Variants in KLC3 observed in about 807,000 individuals in gnomAD.
KLC3 encodes kinesin light chain 2.
In KLC3, 72 loss-of-function variants were observed where a neutral mutation model predicts 62.9. That is an observed-to-expected ratio of 1.15 (90% CI 0.95 to 1.39). The LOEUF (loss-of-function observed/expected upper bound fraction) is 1.39, where lower values mean the gene tolerates loss of function less well. Among genes scored for constraint, KLC3 ranks in the 40% most tolerant of loss-of-function variants. KLC3 has a pLI of 0.00. For synonymous variants in KLC3, 377 were observed against 300.5 expected (o/e 1.25, Z -2.63); for missense variants, 848 against 691.6 (o/e 1.23, Z -2.54).
At position 45,346,739 on chromosome 19, in the gene KLC3, C is replaced by A; in HGVS notation, c.454C>A (p.Gln152Lys). 1 of 1,588,340 alleles carries A rather than the reference C, an allele frequency of 6.3e-7. No individual in the cohort carries two copies. Residue 152 changes from glutamine to lysine, a missense_variant, in exon 3 of 13, where the codon CAG (glutamine) becomes AAG (lysine). By Grantham distance (53) the Gln-to-Lys change is moderately conservative. Transcript: ENST00000391946. ...GAAGCGCCACCTGGAGTTCCTGGGG[C>A]AGCTGCGACAGTACGACCCACCGGC... ...EEKRHLEFLG[Q>K]LRQYDPPAES...
At chr19:45,346,248 G>A (rs1031079557) in intron 2 of KLC3, among the ~76,000 whole-genome samples, 27 of 152,120 alleles carry the variant, frequency 1.8e-4, no homozygotes, top group African/African-American at 6.5e-4. Flanking sequence ...GGAGGCTCCA[G>A]GTCAGAGATG....
intron 1 of KLC3, 192 bp from the exon 2 acceptor site, chr19:45,345,342 C>A: frequency 1.4e-6 from 1 of 702,764 alleles, no homozygotes; most frequent in Non-Finnish European, 2.4e-6. Flanking sequence ...CAGATGAGAG[C>A]TGGCTGGGAT....
chr19:45,345,552 A>G lies in KLC3; in HGVS notation c.11A>G (p.Gln4Arg), dbSNP rs374341318. 9.3e-5 allele frequency: 146 copies of G among 1,565,486 alleles called. 1 individual carries two copies. In the South Asian group the frequency reaches 1.6e-3, roughly 17 times the overall value. Reference sequence around the variant, plus strand: ...TCCCCAGGAGCAGCAATGTCTGTGCAGGTAGCGGCTCCTGGAAGTGCAGGG... The same window carrying G: ...TCCCCAGGAGCAGCAATGTCTGTGCGGGTAGCGGCTCCTGGAAGTGCAGGG... MSV[Q>R]VAAPGSAGLG... The change falls in exon 2 of 13, where the codon CAG becomes CGG. Residue 4 changes from glutamine to arginine, a missense_variant. By Grantham distance (43) the Gln-to-Arg change is conservative. Coordinates refer to ENST00000391946, the MANE Select transcript of KLC3 (RefSeq NM_177417.3).
At chr19:45,350,262 A>G (rs1274949701) in intron 8 of KLC3, 79 bp from the exon 9 acceptor site, 3 of 805,126 alleles carry the variant, frequency 3.7e-6, no homozygotes, top group African/African-American at 3.7e-5. Flanking sequence ...GTCTCTACAA[A>G]AAAAAAAAAA....
intron 3 of KLC3, chr19:45,347,041 C>T: frequency 2.1e-6 from 1 of 484,052 alleles, no homozygotes; most frequent in South Asian, 3.0e-5. Context: ...TGACCACCAC[C>T]TCCCTCAAAC....
intron 7 of KLC3, 75 bp from the exon 8 acceptor site, chr19:45,349,354 C>G: frequency 6.9e-7 from 1 of 1,448,276 alleles, no homozygotes; most frequent in Non-Finnish European, 9.4e-7. Flanking sequence ...CAACTCATGA[C>G]CACCATACAG....
In KLC3 at chr19:45,348,000, C is replaced by T; in HGVS notation, c.619C>T (p.Leu207Phe). Residue 207 changes from leucine (L) to phenylalanine (F), a missense_variant, in exon 5 of 13, where the codon CTT (leucine) becomes TTT (phenylalanine). By Grantham distance (22) the Leu-to-Phe change is conservative. Transcript: ENST00000391946. Reference protein sequence around the residue: ...QQGGYEIPARLRTLHNLVIQY... With the variant: ...QQGGYEIPARFRTLHNLVIQY... ...GGGTGGCTATGAGATCCCTGCCCGC[C>T]TTCGGACCCTGCATAACCTCGTGAT... 1.9e-6 allele frequency: 3 copies of T among 1,609,084 alleles called. No homozygotes were observed. Among genetic ancestry groups the T allele is most frequent in the Non-Finnish European group, 2.5e-6 (3 of 1,178,016 alleles).
intron 3 of KLC3, 105 bp from the exon 4 acceptor site, chr19:45,347,340 CAA>C (rs538695727): frequency 8.8e-3 from 4,827 of 546,726 alleles, no homozygotes; most frequent in South Asian, 0.011. Context: ...AACTCCGTCT[CAA>C]AAAAAAAAAA....
In KLC3 at chr19:45,350,846, C is replaced by T. The variant is rs1971722793; in HGVS notation, c.1379+99C>T. 2.1e-6 allele frequency: 3 copies of T among 1,400,662 alleles called. No individual in the cohort carries two copies. The South Asian group carries it at 3.6e-5, about 17-fold the overall frequency. 86.8% of individuals were successfully genotyped at this position (1,400,662 alleles called of 1,614,324 possible). A position where few individuals can be genotyped will look rare whatever the true frequency, so the allele number is the denominator to read the frequency against. On this transcript the variant is annotated intron_variant, in intron 11 of 12. Coordinates refer to ENST00000391946, the MANE Select transcript of KLC3 (RefSeq NM_177417.3). ...CTTGCTCAAGAACCTTCCATGGCTCCCATCTCCCCTGTGATACACACAGAT... is the reference window on the plus strand; with the variant it reads ...CTTGCTCAAGAACCTTCCATGGCTCTCATCTCCCCTGTGATACACACAGAT...
intron 1 of KLC3, 95 bp from the exon 2 acceptor site, chr19:45,345,439 T>G: frequency 2.0e-6 from 3 of 1,502,472 alleles, no homozygotes; most frequent in Non-Finnish European, 2.7e-6. Context: ...TGGGGAGAAG[T>G]TAGGGGTCCT....
In KLC3 at chr19:45,350,349, C is replaced by T; in HGVS notation, c.1152C>T (p.Ala384=). 1 of 1,613,520 alleles carries T rather than the reference C, an allele frequency of 6.2e-7. No individual in the cohort carries two copies. Among genetic ancestry groups the T allele is most frequent in the Non-Finnish European group, 8.5e-7 (1 of 1,179,948 alleles). The change falls in exon 9 of 13, where the codon GCC becomes GCT. Residue 384 remains alanine, a synonymous_variant. Transcript: ENST00000391946. The part of the protein sequence containing the change: ...VAKTKNNLAS[A]YLKQNKYQQA... ...CACTCCCTTCTCCGCAGGCCTCAGCCTACCTGAAACAGAACAAGTATCAAC... is the reference window on the plus strand; with the variant it reads ...CACTCCCTTCTCCGCAGGCCTCAGCTTACCTGAAACAGAACAAGTATCAAC...
At chr19:45,345,333 A>G (rs1971465793) in intron 1 of KLC3, 2 of 678,340 alleles carry the variant, frequency 2.9e-6, no homozygotes, top group Non-Finnish European at 5.1e-6. Context: ...AGACTGTTCC[A>G]GATGAGAGCT....
At chr19:45,349,397 G>C (rs2123194447) in intron 7 of KLC3, 32 bp from the exon 8 acceptor site, 1 of 1,576,140 alleles carries the variant, frequency 6.3e-7, no homozygotes, top group Middle Eastern at 1.8e-4. Flanking sequence ...AATCCTGTAT[G>C]ATCCCTCTGA....
intron 1 of KLC3, 36 bp from the exon 2 acceptor site, chr19:45,345,498 C>G (rs1042315268): frequency 1.3e-6 from 2 of 1,551,726 alleles, no homozygotes; most frequent in African/African-American, 2.7e-5. Context: ...CTGGCCCGGG[C>G]AATGATTCCC....
chr19:45,349,972 C>A (rs1012336632), intron 8 of KLC3: 1 of 414,644 alleles, frequency 2.4e-6, no homozygotes, highest in Non-Finnish European at 4.4e-6. Context: ...ACTGAGGCAC[C>A]GAGGCCATGC....
chr19:45,346,854 A>C (rs1008951962), intron 3 of KLC3, 80 bp downstream of exon 3: 16 of 1,306,106 alleles, frequency 1.2e-5, no homozygotes, highest in South Asian at 2.7e-5. Context: ...TTAGAATCCC[A>C]CAGTCCCCAA....
intron 3 of KLC3, 22 bp from the exon 4 acceptor site, chr19:45,347,425 C>A (rs56396771): frequency 7.5e-6 from 12 of 1,603,120 alleles, no homozygotes; most frequent in Admixed American, 1.7e-5. Flanking sequence ...CACCCCGGCC[C>A]CCCACTTTCC....
rs1971606403 is a variant in KLC3, at chr19:45,349,530, CCGGGCCCTGAGCATCTATGAGGCACTGGG to C, written c.1079_1107del (p.Leu360ProfsTer2). Reference sequence around the variant, plus strand: ...TTGAGGACGTGGAGCGGCACTATGCCCGGGCCCTGAGCATCTATGAGGCACTGGGCGGGCCCCATGACCCCAACGTGGCC... The same window carrying C: ...TTGAGGACGTGGAGCGGCACTATGCCCGGGCCCCATGACCCCAACGTGGCC... On this transcript the variant is annotated frameshift_variant, in exon 8 of 13. Coordinates refer to ENST00000391946, the MANE Select transcript of KLC3 (RefSeq NM_177417.3). LOFTEE classifies it high-confidence loss of function. 2.5e-6 allele frequency: 4 copies of C among 1,613,902 alleles called. No individual in the cohort carries two copies. The highest frequency in any genetic ancestry group is 2.2e-5 in the East Asian group (1 of 44,882).
intron 8 of KLC3, 97 bp from the exon 9 acceptor site, chr19:45,350,244 A>C (rs1971661654): frequency 2.3e-6 from 2 of 876,444 alleles, no homozygotes; most frequent in African/African-American, 1.9e-5. Flanking sequence ...CAACATACCA[A>C]GACCCCTGTC....
Sources: gnomAD v4.1 joint callset for allele counts (sites outside exome capture counted in the v4.1 genomes callset) on GRCh38, gnomAD v4.1.1 for gene constraint, MANE v1.5 for transcripts, NCBI Gene and HGNC (gene_info 2026-07-23, HGNC 2026-07-21) for gene names.